XXYLT1: variants seen among roughly 807,000 people sequenced by gnomAD.
The protein encoded by XXYLT1 is UDP-xylose:alpha-xyloside alpha-1,3-xylosyltransferase.
A neutral mutation model predicts 28.9 loss-of-function variants in XXYLT1; 20 were observed. The ratio of observed to expected loss-of-function variants is 0.69; its 90% CI spans 0.49 to 1.00. The LOEUF (loss-of-function observed/expected upper bound fraction) is 1.00. XXYLT1 is among the 50% of genes least tolerant of loss of function. The pLI, the probability that XXYLT1 is intolerant of heterozygous loss-of-function variation, is 0.00. For missense variants in XXYLT1, 542 were observed against 560.1 expected (o/e 0.97, Z 0.33); for synonymous variants, 257 against 253.8 (o/e 1.01, Z -0.12).
At chr3:195,101,712 G>C (rs79740932) in intron 3 of XXYLT1, among the ~76,000 whole-genome samples, 21,371 of 150,818 alleles carry the variant, frequency 0.14, 2,005 homozygotes, top group East Asian at 0.49. Flanking sequence ...TGTTATCCTA[G>C]CTACCTGGGA....
Position 195,271,139 on chromosome 3 carries a change from C to T in XXYLT1, c.-81G>A. 3 of 1,260,150 alleles carry T rather than the reference C, an allele frequency of 2.4e-6. No homozygotes were observed. Among genetic ancestry groups the T allele is most frequent in the Non-Finnish European group, 3.0e-6 (3 of 1,004,726 alleles). 78.1% of individuals were successfully genotyped at this position (1,260,150 alleles called of 1,614,324 possible). ...CCCGGACGCCGGCGGCCACTTAGCC[C>T]CGGCGCCAGGCGGCGGCCATGAAAG... On this transcript the variant is annotated 5_prime_UTR_variant, in exon 1 of 4. Coordinates refer to ENST00000310380, the MANE Select transcript of XXYLT1 (RefSeq NM_152531.5).
Position 195,210,361 on chromosome 3 carries a change from C to T in XXYLT1, c.652+16348G>A, listed in dbSNP as rs1723260395. On this transcript the variant is annotated intron_variant, in intron 2 of 3. Transcript: ENST00000310380. This position sits in a 1 kb window ranked among gnomAD's most constrained non-coding sequence, Gnocchi z 4.8. ...AACCGGAAGGTGAGCTCCCCAAGGGCAGGACTGCTGTCGTGCCCCAGTGCC... is the reference window on the plus strand; with the variant it reads ...AACCGGAAGGTGAGCTCCCCAAGGGTAGGACTGCTGTCGTGCCCCAGTGCC... Among the ~76,000 whole-genome samples the T allele has an allele frequency of 6.6e-6, 1 of 152,200 alleles. No homozygotes were observed. Among genetic ancestry groups the T allele is most frequent in the South Asian group, 2.1e-4 (1 of 4,834 alleles).
chr3:195,069,741 A>T lies in XXYLT1; in HGVS notation c.1156T>A (p.Cys386Ser), dbSNP rs770725191. ...TAGTCCTCCGGGATGGGAGTGTTGC[A>T]GTTCCCGTGGTAGATCTTGACGTGG... The part of the protein sequence containing the change: ...EGHVKIYHGN[C>S]NTPIPED Residue 386 changes from cysteine (C) to serine (S), a missense_variant, in exon 4 of 4, where the codon TGC becomes AGC. Physicochemically the swap from Cys to Ser is moderately radical, Grantham distance 112. Transcript: ENST00000310380. 2 of 1,613,660 alleles carry T rather than the reference A, an allele frequency of 1.2e-6. No homozygotes were observed. The highest frequency in any genetic ancestry group is 1.7e-6 in the Non-Finnish European group (2 of 1,179,960).
chr3:195,181,406 G>A (rs1474063583), intron 2 of XXYLT1, among the ~76,000 whole-genome samples: 2 of 152,154 alleles, frequency 1.3e-5, no homozygotes, highest in Non-Finnish European at 2.9e-5. Context: ...GTGTCTACTT[G>A]GTTTTGTTTT....
chr3:195,264,803 A>C (rs974749661), intron 1 of XXYLT1, among the ~76,000 whole-genome samples: 1 of 152,168 alleles, frequency 6.6e-6, no homozygotes, highest in African/African-American at 2.4e-5. Context: ...GTTGGCTCAC[A>C]ACTGCAGTCC....
At chr3:195,219,280 C>A (rs1056483094) in intron 2 of XXYLT1, among the ~76,000 whole-genome samples, 1 of 152,168 alleles carries the variant, frequency 6.6e-6, no homozygotes, top group South Asian at 2.1e-4. Flanking sequence ...CTAACCTGCA[C>A]AATGTGCACA....
At chr3:195,097,474 G>T (rs990703982) in intron 3 of XXYLT1, among the ~76,000 whole-genome samples, 2 of 152,202 alleles carry the variant, frequency 1.3e-5, no homozygotes, top group Admixed American at 6.5e-5. Flanking sequence ...AAGCACTGTT[G>T]TGTTTATATC....
intron 3 of XXYLT1, among the ~76,000 whole-genome samples, chr3:195,143,822 A>ATATTTTTTTT (rs1560117015): frequency 1.1e-5 from 1 of 91,130 alleles, no homozygotes; most frequent in Non-Finnish European, 2.2e-5. Flanking sequence ...ATAGATATAG[A>ATATTTTTTTT]TATATATAGA....
chr3:195,130,010 C>T (rs901911998), intron 3 of XXYLT1, among the ~76,000 whole-genome samples: 30 of 152,160 alleles, frequency 2.0e-4, no homozygotes, highest in African/African-American at 6.8e-4. Context: ...TATAGCTGAC[C>T]AGTGGATATG....
chr3:195,243,782 T>C (rs562141503), intron 1 of XXYLT1, among the ~76,000 whole-genome samples: 2 of 152,300 alleles, frequency 1.3e-5, no homozygotes, highest in East Asian at 3.9e-4. Flanking sequence ...CGTGCAGTTT[T>C]TACAAGGAAA....
chr3:195,073,526 G>A (rs553387071), intron 3 of XXYLT1, among the ~76,000 whole-genome samples: 1 of 152,068 alleles, frequency 6.6e-6, no homozygotes. Context: ...CTAACTATCT[G>A]GATTGTCTAA....
rs368758148 is a variant in XXYLT1 at position 195,233,305 on chromosome 3, T to TA, written c.505-6450dup. 8.8e-4 allele frequency among the ~76,000 whole-genome samples: 134 copies of TA among 152,174 alleles called. 2 individuals carry two copies. The highest frequency in any genetic ancestry group is 2.8e-3 in the African/African-American group (118 of 41,552). ...CTGTAGGCAATAGATCATTGGGTCT[T>TA]AAAAAAAATCTATTCATTCACTCTT... On this transcript the variant is annotated intron_variant, in intron 1 of 3. Coordinates refer to ENST00000310380, the MANE Select transcript of XXYLT1 (RefSeq NM_152531.5).
At chr3:195,146,197 C>A (rs368394266) in intron 3 of XXYLT1, among the ~76,000 whole-genome samples, 4 of 152,224 alleles carry the variant, frequency 2.6e-5, no homozygotes, top group Non-Finnish European at 5.9e-5. Flanking sequence ...GGGCTGGTCA[C>A]GCTCAGCTCA....
chr3:195,118,404 G>A (rs1479295933), intron 3 of XXYLT1, among the ~76,000 whole-genome samples: 3 of 152,218 alleles, frequency 2.0e-5, no homozygotes, highest in East Asian at 1.9e-4. Context: ...ACTACACAAT[G>A]ACTGCCTCCC....
At chr3:195,175,659 G>A in intron 2 of XXYLT1, 1 of 1,536,180 alleles carries the variant, frequency 6.5e-7, no homozygotes, top group Non-Finnish European at 8.7e-7. Flanking sequence ...GATCCTTGCA[G>A]CGAGGTGGCC....
chr3:195,241,978 C>A (rs1473884950), intron 1 of XXYLT1, among the ~76,000 whole-genome samples: 2 of 152,224 alleles, frequency 1.3e-5, no homozygotes, highest in African/African-American at 4.8e-5. Context: ...TCCCCAGCTC[C>A]CAGCCAGCCT....
In XXYLT1 at chr3:195,195,607, G is replaced by C. The variant is rs947268364; in HGVS notation, c.652+31102C>G. On this transcript the variant is annotated intron_variant, in intron 2 of 3. Coordinates refer to ENST00000310380, the MANE Select transcript of XXYLT1 (RefSeq NM_152531.5). The surrounding 1 kb of genome is among the most constrained non-coding windows in gnomAD (Gnocchi z 4.4). ...CCCGTGGTTTGTTGTAAATGAAAGA[G>C]ATTCATGAATGAAAAGCTTTTGTGC... Among the ~76,000 whole-genome samples, 1 of 152,234 alleles carries C rather than the reference G, an allele frequency of 6.6e-6. No individual in the cohort carries two copies. Among genetic ancestry groups the C allele is most frequent in the African/African-American group, 2.4e-5 (1 of 41,448 alleles).
intron 3 of XXYLT1, among the ~76,000 whole-genome samples, chr3:195,100,676 T>C (rs1334162609): frequency 6.6e-6 from 1 of 152,106 alleles, no homozygotes; most frequent in Non-Finnish European, 1.5e-5. Flanking sequence ...TGTGGTGCCC[T>C]TCTCCCTCCT....
chr3:195,079,863 A>C (rs1370034560), intron 3 of XXYLT1, among the ~76,000 whole-genome samples: 16 of 152,114 alleles, frequency 1.1e-4, no homozygotes, highest in Non-Finnish European at 1.2e-4. Context: ...ATAACAGGCA[A>C]ATAAAGGGTG....
Sources: gnomAD v4.1 joint callset for allele counts (sites outside exome capture counted in the v4.1 genomes callset) on GRCh38, gnomAD v4.1.1 for gene constraint, Gnocchi (gnomAD v3.1) non-coding constraint, MANE v1.5 for transcripts, NCBI Gene and HGNC (gene_info 2026-07-23, HGNC 2026-07-21) for gene names.